The following RASGRP4 variants were observed in gnomAD, a reference collection of about 807,000 sequenced individuals.
RASGRP4 encodes RAS guanyl-releasing protein 4.
In RASGRP4, 52 loss-of-function variants were observed where a neutral mutation model predicts 84.4. That is an observed-to-expected ratio of 0.62 (90% CI 0.49 to 0.78). The LOEUF (loss-of-function observed/expected upper bound fraction) is 0.78. Among genes scored for constraint, RASGRP4 ranks in the 30% least tolerant of loss-of-function variants. The pLI is 0.00. For synonymous variants in RASGRP4, 356 were observed against 359.1 expected, an observed-to-expected ratio of 0.99 and a Z score of 0.10; for missense variants, 760 against 886.9, an observed-to-expected ratio of 0.86 and a Z score of 1.82.
rs559743819 is a variant in RASGRP4 at position 38,409,059 on chromosome 19, C to G, written c.*981G>C. ...ACGTCAATACCAAGAACCATGTTCT[C>G]CAGAGAATAAATTTAATTTATGACA... is the stretch of plus-strand genomic sequence containing the variant. On this transcript the variant is annotated 3_prime_UTR_variant, in exon 17 of 17. Transcript: ENST00000615439. 2 of 557,846 alleles carry G rather than the reference C, an allele frequency of 3.6e-6. No homozygotes were observed. Among genetic ancestry groups the G allele is most frequent in the South Asian group, 6.9e-5 (2 of 28,806 alleles). The allele number at this position is 557,846 out of a possible 1,614,324, so 34.6% of individuals were successfully genotyped here.
In RASGRP4 at chr19:38,413,497, G is replaced by A. The variant is rs200049351; in HGVS notation, c.1231-23C>T. The A allele has an allele frequency of 1.4e-4, 213 of 1,567,450 alleles. 1 individual carries two copies. Among genetic ancestry groups the A allele is most frequent in the Non-Finnish European group, 1.6e-4 (180 of 1,153,468 alleles). On this transcript the variant is annotated intron_variant, in intron 9 of 16. Transcript: ENST00000615439. The surrounding 1 kb of genome is among the most constrained non-coding windows in gnomAD (Gnocchi z 4.7). ...GAGCTGGAGCAGACAGGGGTGTTAC[G>A]GATCCTCCCATCTATAGCCCTGCCC...
chr19:38,416,463 CAAAAAAAAAAAAAA>C (rs765219678), intron 8 of RASGRP4, among the ~76,000 whole-genome samples: 1 of 58,666 alleles, frequency 1.7e-5, no homozygotes, highest in Admixed American at 2.0e-4. Context: ...GACTCTGTCT[CAAAAAAAAAAAAAA>C]AAAAAAAAAA....
At position 38,412,690 on chromosome 19, in the gene RASGRP4, G is replaced by A. The variant is rs117892748; in HGVS notation, c.1662C>T (p.Cys554=). The A allele has an allele frequency of 8.8e-3, 14,269 of 1,613,282 alleles. 80 individuals carry two copies. Among genetic ancestry groups the A allele is most frequent in the Non-Finnish European group, 0.011 (12,485 of 1,179,614 alleles). Residue 554 remains cysteine (C), a synonymous_variant, in exon 13 of 17, where the codon TGC becomes TGT. Transcript: ENST00000615439. The surrounding 1 kb of genome is among the most constrained non-coding windows in gnomAD (Gnocchi z 4.6). ...TGCTCACGAAGCCACTGCAGCTGTC[G>A]CAGAAGGTAGGCTTTCGGAAGGTGA... is the stretch of plus-strand genomic sequence containing the variant. ...HEVTFRKPTF[C]DSCSGFLWGV... is the part of the protein sequence containing the mutation.
chr19:38,412,619 G>A lies in RASGRP4; in HGVS notation c.1680+53C>T, dbSNP rs1971308025. On this transcript the variant is annotated intron_variant, in intron 13 of 16. Transcript: ENST00000615439. This position sits in a 1 kb window ranked among gnomAD's most constrained non-coding sequence, Gnocchi z 4.6. Reference sequence around the variant, plus strand: ...GGGGGTTATCTGGGGTTTGCGGACTGCCGGCTTCAGGACAGATGGAACCTA... The same window carrying A: ...GGGGGTTATCTGGGGTTTGCGGACTACCGGCTTCAGGACAGATGGAACCTA... The A allele has an allele frequency of 9.0e-6, 14 of 1,560,670 alleles. No homozygotes were observed. Among genetic ancestry groups the A allele is most frequent in the Middle Eastern group, 3.4e-4 (2 of 5,802 alleles).
chr19:38,424,795 A>G (rs1971919248), intron 1 of RASGRP4, among the ~76,000 whole-genome samples: 1 of 152,100 alleles, frequency 6.6e-6, no homozygotes, highest in Non-Finnish European at 1.5e-5. Flanking sequence ...CTAAGTCAGC[A>G]TTTCCCTAAG....
intron 1 of RASGRP4, among the ~76,000 whole-genome samples, chr19:38,423,263 G>A (rs187731990): frequency 2.6e-5 from 4 of 152,262 alleles, no homozygotes; most frequent in Middle Eastern, 3.4e-3. Context: ...GATGGCTCAC[G>A]CCTGTAATCC....
chr19:38,410,949 C>T lies in RASGRP4; in HGVS notation c.1902G>A (p.Gly634=). Residue 634 remains glycine, a synonymous_variant, in exon 16 of 17, where the codon GGG becomes GGA. Transcript: ENST00000615439. ...SYTLSLEPET[G]CQLRHAWTQT... Reference sequence around the variant, plus strand: ...GGGTCCAGGCATGGCGAAGCTGGCACCCAGTCTCAGGCTCCAGGGATAGCG... The same window carrying T: ...GGGTCCAGGCATGGCGAAGCTGGCATCCAGTCTCAGGCTCCAGGGATAGCG... The T allele has an allele frequency of 6.2e-7, 1 of 1,604,224 alleles. No homozygotes were observed. The highest frequency in any genetic ancestry group is 8.5e-7 in the Non-Finnish European group (1 of 1,175,474).
In RASGRP4 at chr19:38,410,885, C is replaced by T; in HGVS notation, c.1965+1G>A. 6.3e-7 allele frequency: 1 copy of T among 1,588,032 alleles called. No individual in the cohort carries two copies. The highest frequency in any genetic ancestry group is 8.6e-7 in the Non-Finnish European group (1 of 1,166,778). On this transcript the variant is annotated splice_donor_variant, in intron 16 of 16. Transcript: ENST00000615439. LOFTEE classifies it high-confidence loss of function. ...TGGGGGTAGGGGCGGTTTCTCCTCA[C>T]CGTATCTGTTTCCCAGGAAGGGTGT...
In RASGRP4 at chr19:38,417,939, A is replaced by G. The variant is rs564242169; in HGVS notation, c.837+452T>C. Among the ~76,000 whole-genome samples the G allele has an allele frequency of 2.8e-5, 4 of 141,712 alleles. No homozygotes were observed. The South Asian group carries it at 9.2e-4, about 32-fold the overall frequency. 93.0% of individuals were successfully genotyped at this position (141,712 alleles called of 152,430 possible). A position where few individuals can be genotyped will look rare whatever the true frequency, so the allele number is the denominator to read the frequency against. ...CAGAAGGGCGAGAAGGTGTCCGGAA[A>G]GGAGGGGGAAGGGAGGGGAAGAGAA... is the stretch of plus-strand genomic sequence containing the variant. On this transcript the variant is annotated intron_variant, in intron 7 of 16. Coordinates refer to ENST00000615439, the MANE Select transcript of RASGRP4 (RefSeq NM_170604.3). The surrounding 1 kb of genome is among the most constrained non-coding windows in gnomAD (Gnocchi z 5.1).
At position 38,413,485 on chromosome 19, in the gene RASGRP4, CAG is replaced by C. The variant is rs113893126; in HGVS notation, c.1231-13_1231-12del. ...GAGGTCCAGGGAGAGCTGGAGCAGA[CAG>C]GGGTGTTACGGATCCTCCCATCTAT... On this transcript the variant is annotated splice_polypyrimidine_tract_variant and intron_variant, in intron 9 of 16. Coordinates refer to ENST00000615439, the MANE Select transcript of RASGRP4 (RefSeq NM_170604.3). The surrounding 1 kb of genome is among the most constrained non-coding windows in gnomAD (Gnocchi z 4.7). 8.8e-6 allele frequency: 14 copies of C among 1,585,202 alleles called. No individual in the cohort carries two copies. Among genetic ancestry groups the C allele is most frequent in the African/African-American group, 8.1e-5 (6 of 74,402 alleles).
rs1027257620 is a variant in RASGRP4 at position 38,419,769 on chromosome 19, G to A, written c.663+91C>T. The A allele has an allele frequency of 1.2e-5, 15 of 1,227,818 alleles. No individual in the cohort carries two copies. In the African/African-American group the frequency reaches 2.0e-4, roughly 16 times the overall value. The allele number at this position is 1,227,818 out of a possible 1,614,324, so 76.1% of individuals were successfully genotyped here. On this transcript the variant is annotated intron_variant, in intron 6 of 16. Coordinates refer to ENST00000615439, the MANE Select transcript of RASGRP4 (RefSeq NM_170604.3). ...GAGATCTCTGCCGAATGACCATGCA[G>A]GTGTCCTCTCAGTCCTACCTTCCCC...
Position 38,421,955 on chromosome 19 carries a change from G to A in RASGRP4, c.208+14C>T. The A allele has an allele frequency of 6.2e-7, 1 of 1,604,236 alleles. No individual in the cohort carries two copies. Among genetic ancestry groups the A allele is most frequent in the Non-Finnish European group, 8.5e-7 (1 of 1,175,990 alleles). Reference sequence around the variant, plus strand: ...GGTTAGGGCCAGGGAGGCTGCTGGGGAGAGGACACTTACCGAAGGACTGGA... The same window carrying A: ...GGTTAGGGCCAGGGAGGCTGCTGGGAAGAGGACACTTACCGAAGGACTGGA... On this transcript the variant is annotated intron_variant, in intron 2 of 16. Coordinates refer to ENST00000615439, the MANE Select transcript of RASGRP4 (RefSeq NM_170604.3).
At position 38,420,912 on chromosome 19, in the gene RASGRP4, C is replaced by T. The variant is rs1971716895; in HGVS notation, c.373G>A (p.Val125Ile). The change falls in exon 4 of 17, where the codon GTC becomes ATC. Residue 125 changes from valine (V) to isoleucine (I), a missense_variant. Val to Ile is a conservative substitution (Grantham distance 29, BLOSUM62 3). Transcript: ENST00000615439. ...ELRRLQICHL[V>I]RYWLMRHPEV... ...GGGATCTCGGCCCAGCCCTACCTGA[C>T]CAGGTGACAGATCTGCAGCCGTCTC... 1 of 1,604,644 alleles carries T rather than the reference C, an allele frequency of 6.2e-7. No individual in the cohort carries two copies. The highest frequency in any genetic ancestry group is 1.4e-5 in the African/African-American group (1 of 72,288).
At chr19:38,425,645 G>A (rs1971961589) in intron 1 of RASGRP4, among the ~76,000 whole-genome samples, 1 of 152,192 alleles carries the variant, frequency 6.6e-6, no homozygotes, top group South Asian at 2.1e-4. Flanking sequence ...CCCCCTGTAG[G>A]GGTCTGGAAC....
At position 38,412,994 on chromosome 19, in the gene RASGRP4, A is replaced by G; in HGVS notation, c.1472T>C (p.Phe491Ser). The change falls in exon 12 of 17, where the codon TTT becomes TCT. Residue 491 changes from phenylalanine (F) to serine (S), a missense_variant. Coordinates refer to ENST00000615439, the MANE Select transcript of RASGRP4 (RefSeq NM_170604.3). The surrounding 1 kb of genome is among the most constrained non-coding windows in gnomAD (Gnocchi z 4.6). ...GGGAAAATTGCCCGAGAGTCGCTCA[A>G]AGTCCTCCTGAGAGATTGTTCCTCG... ...EGRGTISQED[F>S]ERLSGNFPFA... 6.2e-7 allele frequency: 1 copy of G among 1,614,030 alleles called. No individual in the cohort carries two copies. The highest frequency in any genetic ancestry group is 8.5e-7 in the Non-Finnish European group (1 of 1,179,886).
chr19:38,421,073 A>G, intron 3 of RASGRP4, 22 bp downstream of exon 3: 1 of 1,610,932 alleles, frequency 6.2e-7, no homozygotes, highest in Middle Eastern at 1.7e-4. Context: ...CTCCACCCAT[A>G]GCTCACAGTC....
Position 38,413,149 on chromosome 19 carries a change from T to C in RASGRP4, c.1416+44A>G, listed in dbSNP as rs746002819. ...CCAGGCTCAGGGTTCTACAGATGTC[T>C]TCCCTCCTGGCTGCTGGCGGCCGGG... On this transcript the variant is annotated intron_variant, in intron 11 of 16. Coordinates refer to ENST00000615439, the MANE Select transcript of RASGRP4 (RefSeq NM_170604.3). The surrounding 1 kb of genome is among the most constrained non-coding windows in gnomAD (Gnocchi z 4.7). The C allele has an allele frequency of 7.5e-6, 12 of 1,590,758 alleles. No homozygotes were observed. Among genetic ancestry groups the C allele is most frequent in the Admixed American group, 1.7e-5 (1 of 59,766 alleles).
rs766362634 is a variant in RASGRP4 at position 38,412,575 on chromosome 19, T to G, written c.1680+97A>C. 3.4e-5 allele frequency: 39 copies of G among 1,154,344 alleles called. No individual in the cohort carries two copies. Among genetic ancestry groups the G allele is most frequent in the Non-Finnish European group, 4.5e-5 (37 of 815,810 alleles). 71.5% of individuals were successfully genotyped at this position (1,154,344 alleles called of 1,614,324 possible). A position where few individuals can be genotyped will look rare whatever the true frequency, so the allele number is the denominator to read the frequency against. ...TATATGAAACAGGATGATTTGAAGC[T>G]GGAGGATTTCTGGAATTTGGGGGTT... On this transcript the variant is annotated intron_variant, in intron 13 of 16. Coordinates refer to ENST00000615439, the MANE Select transcript of RASGRP4 (RefSeq NM_170604.3). The surrounding 1 kb of genome is among the most constrained non-coding windows in gnomAD (Gnocchi z 4.6).
At chr19:38,416,501 TG>T (rs1971508979) in intron 8 of RASGRP4, among the ~76,000 whole-genome samples, 1 of 146,162 alleles carries the variant, frequency 6.8e-6, no homozygotes, top group South Asian at 2.2e-4. Flanking sequence ...TTTCTGGAGA[TG>T]GGGTCTCGCT....
Sources: allele counts gnomAD v4.1 joint callset (sites outside exome capture counted in the v4.1 genomes callset), GRCh38; gene constraint gnomAD v4.1.1; non-coding constraint Gnocchi (gnomAD v3.1); transcripts MANE v1.5; gene names NCBI Gene and HGNC (gene_info 2026-07-23, HGNC 2026-07-21).